Variants in CASP8 observed in about 807,000 individuals in gnomAD.
CASP8 encodes the protein caspase-8.
A neutral mutation model predicts 46.3 loss-of-function variants in CASP8; 24 were observed. The ratio of observed to expected loss-of-function variants is 0.52; its 90% CI spans 0.38 to 0.73. The LOEUF (loss-of-function observed/expected upper bound fraction) is 0.73, where lower values mean the gene tolerates loss of function less well. Among genes scored for constraint, CASP8 ranks in the 30% least tolerant of loss-of-function variants. The pLI is 0.00. For missense variants in CASP8, 460 were observed against 559.0 expected, an observed-to-expected ratio of 0.82 and a Z score of 1.79; for synonymous variants, 188 against 200.4, an observed-to-expected ratio of 0.94 and a Z score of 0.52.
chr2:201,240,466 C>T (rs1946252237), intron 2 of CASP8: 1 of 152,140 alleles, frequency 6.6e-6, no homozygotes, highest in Non-Finnish European at 1.5e-5. Flanking sequence ...AAGCATCAAT[C>T]CACCATGAAG....
rs1949604129 is a variant in CASP8, at chr2:201,287,268, C to T, written c.*674C>T. 2 of 153,230 alleles carry T rather than the reference C, an allele frequency of 1.3e-5. No individual in the cohort carries two copies. The highest frequency in any genetic ancestry group is 2.4e-5 in the African/African-American group (1 of 41,436). 9.5% of individuals were successfully genotyped at this position (153,230 alleles called of 1,614,324 possible). On this transcript the variant is annotated 3_prime_UTR_variant, in exon 9 of 9. Transcript: ENST00000673742. ...TAGAAAGTAGCCACGTATGGTGGCTCATGTCTATAATCCCAGCACTTTGGG... is the reference window on the plus strand; with the variant it reads ...TAGAAAGTAGCCACGTATGGTGGCTTATGTCTATAATCCCAGCACTTTGGG...
chr2:201,273,052 C>CTT, intron 5 of CASP8, 110 bp downstream of exon 5: 2 of 646,258 alleles, frequency 3.1e-6, no homozygotes, highest in Non-Finnish European at 5.1e-6. Context: ...GCCTGCTCTA[C>CTT]TTTTTCTTTT....
chr2:201,277,865 T>C (rs971544632), intron 7 of CASP8: 6 of 266,150 alleles, frequency 2.3e-5, no homozygotes, highest in East Asian at 1.5e-4. Flanking sequence ...CACACATGGC[T>C]AATTTTTGTA....
intron 1 of CASP8, among the ~76,000 whole-genome samples, chr2:201,265,407 G>T (rs905350715): frequency 6.6e-6 from 1 of 151,406 alleles, no homozygotes; most frequent in Non-Finnish European, 1.5e-5. Flanking sequence ...ACTAAATACC[G>T]TATGTTCTCA....
At chr2:201,237,046 G>A (rs1377424388) in intron 2 of CASP8, among the ~76,000 whole-genome samples, 5 of 149,036 alleles carry the variant, frequency 3.4e-5, no homozygotes, top group East Asian at 2.0e-4. Context: ...TTTTCAGTGC[G>A]TCTGTGTTTG....
chr2:201,235,268 T>C (rs1946000960), intron 2 of CASP8, among the ~76,000 whole-genome samples: 1 of 152,206 alleles, frequency 6.6e-6, no homozygotes, highest in African/African-American at 2.4e-5. Flanking sequence ...CCTTATACTT[T>C]CAGTGTTTCG....
chr2:201,271,322 A>G (rs578022641), intron 2 of CASP8, among the ~76,000 whole-genome samples, 194 bp from the exon 3 acceptor site: 1 of 152,318 alleles, frequency 6.6e-6, no homozygotes, highest in East Asian at 1.9e-4. Flanking sequence ...TAAGGGTGGG[A>G]AAGTCGGGGA....
chr2:201,247,337 G>C (rs1364009590), intron 2 of CASP8, among the ~76,000 whole-genome samples: 1 of 151,944 alleles, frequency 6.6e-6, no homozygotes, highest in Non-Finnish European at 1.5e-5. Context: ...ATGTGAATTA[G>C]GTTGCTTCTG....
At chr2:201,283,565 G>T (rs554554982) in intron 7 of CASP8, among the ~76,000 whole-genome samples, 210 of 89,244 alleles carry the variant, frequency 2.4e-3, no homozygotes, top group Middle Eastern at 0.012. Flanking sequence ...TGGCCGGGCG[G>T]GGGGCTGACC....
chr2:201,251,245 C>T (rs1034923087), intron 2 of CASP8, among the ~76,000 whole-genome samples: 1 of 152,150 alleles, frequency 6.6e-6, no homozygotes, highest in Non-Finnish European at 1.5e-5. Flanking sequence ...TTTGCATGGA[C>T]ATAAATGTTC....
chr2:201,237,365 A>ACAGGCGTGAGC, intron 2 of CASP8, among the ~76,000 whole-genome samples: 1 of 150,810 alleles, frequency 6.6e-6, no homozygotes, highest in South Asian at 2.1e-4. Context: ...TGCTGGGATT[A>ACAGGCGTGAGC]CAGGCGTGAG....
intron 2 of CASP8, among the ~76,000 whole-genome samples, chr2:201,245,994 A>G (rs1946500980): frequency 1.3e-5 from 2 of 150,436 alleles, no homozygotes; most frequent in African/African-American, 4.9e-5. Context: ...CAGCCTCCCA[A>G]GTAGCTGGGA....
chr2:201,260,259 C>G (rs1212777053), upstream of CASP8, among the ~76,000 whole-genome samples: 1 of 152,190 alleles, frequency 6.6e-6, no homozygotes, highest in Non-Finnish European at 1.5e-5. Flanking sequence ...TAGTTACAAT[C>G]CAGTCCAACG....
chr2:201,259,153 C>T (rs1392286402), upstream of CASP8, among the ~76,000 whole-genome samples: 1 of 151,984 alleles, frequency 6.6e-6, no homozygotes, highest in Non-Finnish European at 1.5e-5. Context: ...TTATTTTGCT[C>T]ATTCTGTTTC....
chr2:201,266,473 T>C lies in CASP8; in HGVS notation c.-14T>C. 1 of 1,612,004 alleles carries C rather than the reference T, an allele frequency of 6.2e-7. No individual in the cohort carries two copies. Among genetic ancestry groups the C allele is most frequent in the South Asian group, 1.1e-5 (1 of 91,050 alleles). On this transcript the variant is annotated 5_prime_UTR_variant, in exon 2 of 9. Coordinates refer to ENST00000673742, the MANE Select transcript of CASP8 (RefSeq NM_001372051.1). This position sits in a 1 kb window ranked among gnomAD's most constrained non-coding sequence, Gnocchi z 5.7. ...TATTTTGACTTAGATTATATTCTCC[T>C]GCCTTTTAAAAAGATGGACTTCAGC...
In CASP8 at chr2:201,272,561, A is replaced by G; in HGVS notation, c.412-77A>G. The G allele has an allele frequency of 1.3e-6, 2 of 1,548,738 alleles. No individual in the cohort carries two copies. Among genetic ancestry groups the G allele is most frequent in the South Asian group, 1.1e-5 (1 of 87,632 alleles). On this transcript the variant is annotated intron_variant, in intron 3 of 8. Transcript: ENST00000673742. The surrounding 1 kb of genome is among the most constrained non-coding windows in gnomAD (Gnocchi z 4.4). ...GCAGGTCCTTGGTTGGAGAAATTGG[A>G]AATTAAAAAAAAAAATCTAATCTAA... is the stretch of plus-strand genomic sequence containing the variant.
chr2:201,248,675 G>A (rs546570127), intron 2 of CASP8, among the ~76,000 whole-genome samples: 1 of 152,210 alleles, frequency 6.6e-6, no homozygotes, highest in East Asian at 1.9e-4. Flanking sequence ...ACCAACACAT[G>A]TTGGAGATTG....
chr2:201,256,849 T>C (rs1180817495), upstream of CASP8, among the ~76,000 whole-genome samples: 3 of 152,212 alleles, frequency 2.0e-5, no homozygotes, highest in African/African-American at 4.8e-5. Context: ...CAGAAAACCC[T>C]TTTTAAAAAT....
intron 2 of CASP8, chr2:201,240,274 A>G (rs1385057360): frequency 6.6e-6 from 1 of 152,178 alleles, no homozygotes; most frequent in Non-Finnish European, 1.5e-5. Flanking sequence ...CCACAGAGAA[A>G]CATTAGAATC....
Sources: allele counts gnomAD v4.1 joint callset (sites outside exome capture counted in the v4.1 genomes callset), GRCh38; gene constraint gnomAD v4.1.1; non-coding constraint Gnocchi (gnomAD v3.1); transcripts MANE v1.5; gene names NCBI Gene and HGNC (gene_info 2026-07-23, HGNC 2026-07-21).